The following RTN2 variants were observed in gnomAD, a reference collection of about 807,000 sequenced individuals.
RTN2 encodes reticulon 2.
A neutral mutation model predicts 63.7 loss-of-function variants in RTN2; 36 were observed. That is an observed-to-expected ratio of 0.56 (90% CI 0.43 to 0.75). The LOEUF (loss-of-function observed/expected upper bound fraction) is 0.75. Among genes scored for constraint, RTN2 ranks in the 30% least tolerant of loss-of-function variants. The pLI is 0.00. For missense variants in RTN2, 673 were observed against 705.1 expected, an observed-to-expected ratio of 0.95 and a Z score of 0.52; for synonymous variants, 312 against 313.0, an observed-to-expected ratio of 1.00 and a Z score of 0.03.
chr19:45,494,813 C>A lies in RTN2; in HGVS notation c.272G>T (p.Arg91Leu). The A allele has an allele frequency of 1.2e-6, 2 of 1,603,738 alleles. No individual in the cohort carries two copies. Among genetic ancestry groups the A allele is most frequent in the Non-Finnish European group, 1.7e-6 (2 of 1,179,816 alleles). ...STARRPRPQG[R>L]SVSEPRDQHP... ...CTGGTCTCGTGGTTCCGAGACTGAG[C>A]GGCCCTGGGGGCGGGGGCGGCGGGC... The change falls in exon 3 of 11, where the codon CGC (arginine) becomes CTC (leucine). Residue 91 changes from arginine to leucine, a missense_variant. By Grantham distance (102) the Arg-to-Leu change is moderately radical (BLOSUM62 -2). Coordinates refer to ENST00000245923, the MANE Select transcript of RTN2 (RefSeq NM_005619.5). The surrounding 1 kb of genome is among the most constrained non-coding windows in gnomAD (Gnocchi z 5.3).
chr19:45,491,942 T>C (rs1255265859), intron 5 of RTN2, among the ~76,000 whole-genome samples: 2 of 152,160 alleles, frequency 1.3e-5, no homozygotes, highest in Non-Finnish European at 2.9e-5. Context: ...TATATTTTTT[T>C]AATGTCATAA....
Position 45,485,497 on chromosome 19 carries a change from C to CT in RTN2, c.*210dup, listed in dbSNP as rs987851819. 5.2e-6 allele frequency: 3 copies of CT among 572,192 alleles called. No individual in the cohort carries two copies. In the Admixed American group the frequency reaches 9.1e-5, roughly 17 times the overall value. The allele number at this position is 572,192 out of a possible 1,614,324, so 35.4% of individuals were successfully genotyped here. Reference sequence around the variant, plus strand: ...AGGCCCCGCGGCCAAGGTGCCTCGTCTTTCCTGGACTCCTGGAGCAGAGCC... The same window carrying CT: ...AGGCCCCGCGGCCAAGGTGCCTCGTCTTTTCCTGGACTCCTGGAGCAGAGCC... On this transcript the variant is annotated 3_prime_UTR_variant, in exon 11 of 11. Coordinates refer to ENST00000245923, the MANE Select transcript of RTN2 (RefSeq NM_005619.5).
intron 1 of RTN2, among the ~76,000 whole-genome samples, chr19:45,495,583 G>A (rs1016948691): frequency 1.3e-5 from 2 of 152,196 alleles, no homozygotes; most frequent in Admixed American, 6.5e-5. Context: ...GGAAGAGAAA[G>A]TGAAGGGGTG....
chr19:45,496,757 G>C (rs1599916385), intron 1 of RTN2, 35 bp downstream of exon 1: 1 of 1,446,318 alleles, frequency 6.9e-7, no homozygotes, highest in South Asian at 1.4e-5. Context: ...TGAACCTCTG[G>C]GGCCCACACC....
intron 1 of RTN2, 104 bp downstream of exon 1, chr19:45,496,687 TC>T: frequency 9.9e-6 from 7 of 707,454 alleles, no homozygotes; most frequent in Admixed American, 4.2e-5. Flanking sequence ...CTATGCCTCC[TC>T]CCCCCATCCC....
At position 45,494,745 on chromosome 19, in the gene RTN2, TG is replaced by T; in HGVS notation, c.339del (p.Ser114AlafsTer2). The T allele has an allele frequency of 6.2e-7, 1 of 1,610,882 alleles. No individual in the cohort carries two copies. Among genetic ancestry groups the T allele is most frequent in the Non-Finnish European group, 8.5e-7 (1 of 1,179,956 alleles). Reference sequence around the variant, plus strand: ...CCAGGCTCCGGGGATTGGCTCAGGCTGGGGATGCTCTCCAAGCTGTCGCCCA... The same window carrying T: ...CCAGGCTCCGGGGATTGGCTCAGGCTGGGATGCTCTCCAAGCTGTCGCCCA... ...PSLGDSLESI[P>X]SLSQSPEPGR... On this transcript the variant is annotated frameshift_variant, in exon 3 of 11. Coordinates refer to ENST00000245923, the MANE Select transcript of RTN2 (RefSeq NM_005619.5). LOFTEE classifies it high-confidence loss of function. This position sits in a 1 kb window ranked among gnomAD's most constrained non-coding sequence, Gnocchi z 5.3.
Position 45,496,909 on chromosome 19 carries a change from C to T in RTN2, c.-84G>A, listed in dbSNP as rs1267374705. Reference sequence around the variant, plus strand: ...CGGGGTCGCGGGCGCTCATCTCCGCCGCGCCCACGACGCCGCTGCCATTCT... The same window carrying T: ...CGGGGTCGCGGGCGCTCATCTCCGCTGCGCCCACGACGCCGCTGCCATTCT... On this transcript the variant is annotated 5_prime_UTR_variant, in exon 1 of 11. Transcript: ENST00000245923. 4 of 802,450 alleles carry T rather than the reference C, an allele frequency of 5.0e-6. No homozygotes were observed. Among genetic ancestry groups the T allele is most frequent in the African/African-American group, 1.8e-5 (1 of 55,470 alleles). The allele number at this position is 802,450 out of a possible 1,614,324, so 49.7% of individuals were successfully genotyped here. A position where few individuals can be genotyped will look rare whatever the true frequency, so the allele number is the denominator to read the frequency against.
chr19:45,488,949 G>A lies in RTN2; in HGVS notation c.1279C>T (p.Gln427Ter). The change falls in exon 7 of 11, where the codon CAG becomes TAG. Residue 427 changes from glutamine to a stop codon, truncating the protein, a stop_gained. Coordinates refer to ENST00000245923, the MANE Select transcript of RTN2 (RefSeq NM_005619.5). LOFTEE classifies it high-confidence loss of function. ...LDVDLTLTRE[Q>*]TERLSHQITS... is the part of the protein sequence containing the mutation. ...ATCTGGTGGGACAAACGTTCCGTCT[G>A]CTCCCGAGTCAGGGTGAGGTCCACA... The A allele has an allele frequency of 6.2e-7, 1 of 1,611,754 alleles. No homozygotes were observed. Among genetic ancestry groups the A allele is most frequent in the Non-Finnish European group, 8.5e-7 (1 of 1,179,096 alleles).
In RTN2 at chr19:45,494,582, A is replaced by G; in HGVS notation, c.503T>C (p.Leu168Pro). 1 of 1,614,036 alleles carries G rather than the reference A, an allele frequency of 6.2e-7. No individual in the cohort carries two copies. The highest frequency in any genetic ancestry group is 8.5e-7 in the Non-Finnish European group (1 of 1,180,008). The part of the protein sequence containing the change: ...EDSSTSSSTP[L>P]EDEEPQEPNR... ...GGGTTCTTGGGGTTCTTCGTCTTCC[A>G]GCGGGGTGGAGCTGCTGGTGGAAGA... The change falls in exon 3 of 11, where the codon CTG becomes CCG. Residue 168 changes from leucine (L) to proline (P), a missense_variant. By Grantham distance (98) the Leu-to-Pro change is moderately conservative. Coordinates refer to ENST00000245923, the MANE Select transcript of RTN2 (RefSeq NM_005619.5). This position sits in a 1 kb window ranked among gnomAD's most constrained non-coding sequence, Gnocchi z 5.3.
Position 45,494,880 on chromosome 19 carries a change from A to C in RTN2, c.205T>G (p.Phe69Val). ...PRELTFSYIA[F>V]DGVVGSGGRR... ...CCCCCGGAGCCCACTACACCATCAA[A>C]GGCGATGTAGGAGAAGGTCAGCTCC... The change falls in exon 3 of 11, where the codon TTT (phenylalanine) becomes GTT (valine). Residue 69 changes from phenylalanine (F) to valine (V), a missense_variant. By Grantham distance (50) the Phe-to-Val change is conservative. Transcript: ENST00000245923. This position sits in a 1 kb window ranked among gnomAD's most constrained non-coding sequence, Gnocchi z 5.3. 1.2e-6 allele frequency: 2 copies of C among 1,609,772 alleles called. No homozygotes were observed. The highest frequency in any genetic ancestry group is 1.7e-6 in the Non-Finnish European group (2 of 1,179,942).
Position 45,494,828 on chromosome 19 carries a change from G to A in RTN2, c.257C>T (p.Pro86Leu), listed in dbSNP as rs758002007. The A allele has an allele frequency of 9.4e-6, 15 of 1,603,494 alleles. No homozygotes were observed. Among genetic ancestry groups the A allele is most frequent in the South Asian group, 3.3e-5 (3 of 91,064 alleles). The change falls in exon 3 of 11, where the codon CCC becomes CTC. Residue 86 changes from proline (P) to leucine (L), a missense_variant. Transcript: ENST00000245923. This position sits in a 1 kb window ranked among gnomAD's most constrained non-coding sequence, Gnocchi z 5.3. The stretch of plus-strand genomic sequence containing the variant: ...CGAGACTGAGCGGCCCTGGGGGCGG[G>A]GGCGGCGGGCAGTTGAATCCCTGCG... ...GGRRDSTARR[P>L]RPQGRSVSEP...
chr19:45,491,185 C>T (rs1205199857), intron 5 of RTN2, among the ~76,000 whole-genome samples: 10 of 150,748 alleles, frequency 6.6e-5, no homozygotes, highest in Non-Finnish European at 1.0e-4. Flanking sequence ...CCACCACGCC[C>T]GGCCACATTT....
intron 9 of RTN2, 70 bp downstream of exon 9, chr19:45,488,401 G>A (rs1176792492): frequency 1.2e-5 from 19 of 1,534,636 alleles, no homozygotes; most frequent in Middle Eastern, 3.6e-4. Flanking sequence ...ATGGGACCCC[G>A]GTTCTGGAAG....
At chr19:45,488,378 G>T (rs1603) in intron 9 of RTN2, 93 bp downstream of exon 9, 4 of 1,363,452 alleles carry the variant, frequency 2.9e-6, no homozygotes, top group Non-Finnish European at 1.0e-6. Context: ...GTGTCTGGCC[G>T]GGACATCTGT....
intron 5 of RTN2, 25 bp from the exon 6 acceptor site, chr19:45,489,578 G>T: frequency 6.4e-7 from 1 of 1,552,198 alleles, no homozygotes; most frequent in Non-Finnish European, 8.7e-7. Context: ...GGGGCATCAG[G>T]GCTTGTACCT....
chr19:45,495,803 G>A (rs1301687494), intron 1 of RTN2, among the ~76,000 whole-genome samples: 1 of 152,220 alleles, frequency 6.6e-6, no homozygotes, highest in East Asian at 1.9e-4. Flanking sequence ...GACTGAGGAG[G>A]AGAGGAGTGG....
In RTN2 at chr19:45,485,960, T is replaced by A. The variant is rs534217306; in HGVS notation, c.1556+95A>T. 2.0e-5 allele frequency: 27 copies of A among 1,340,940 alleles called. No homozygotes were observed. In the African/African-American group the frequency reaches 3.7e-4, roughly 19 times the overall value. The allele number at this position is 1,340,940 out of a possible 1,614,324, so 83.1% of individuals were successfully genotyped here. On this transcript the variant is annotated intron_variant, in intron 10 of 10. Transcript: ENST00000245923. ...CTCCTCAGCCTTTTCAAGGGGACAT[T>A]ACCCCAGGAGATTTGCGGACAGCGA...
In RTN2 at chr19:45,485,616, G is replaced by A; in HGVS notation, c.*92C>T. 2 of 1,040,152 alleles carry A rather than the reference G, an allele frequency of 1.9e-6. No homozygotes were observed. Among genetic ancestry groups the A allele is most frequent in the South Asian group, 1.3e-5 (1 of 78,120 alleles). 64.4% of individuals were successfully genotyped at this position (1,040,152 alleles called of 1,614,324 possible). A position where few individuals can be genotyped will look rare whatever the true frequency, so the allele number is the denominator to read the frequency against. ...CCCACCGGGAAAAGGCTCGGGCCGA[G>A]GAGGGGGGTGGGTGGGAACGGACAA... is the stretch of plus-strand genomic sequence containing the variant. On this transcript the variant is annotated 3_prime_UTR_variant, in exon 11 of 11. Transcript: ENST00000245923.
In RTN2 at chr19:45,496,839, C is replaced by G; in HGVS notation, c.-14G>C. 1 of 1,480,500 alleles carries G rather than the reference C, an allele frequency of 6.8e-7. No homozygotes were observed. The allele number at this position is 1,480,500 out of a possible 1,614,324, so 91.7% of individuals were successfully genotyped here. A position where few individuals can be genotyped will look rare whatever the true frequency, so the allele number is the denominator to read the frequency against. The stretch of plus-strand genomic sequence containing the variant: ...GACCTGCCCCATGGCCCCCCTCGGG[C>G]CTGCATCGGGACCCCCGCCCACTCC... On this transcript the variant is annotated 5_prime_UTR_variant, in exon 1 of 11. Transcript: ENST00000245923.
Sources: allele counts gnomAD v4.1 joint callset (sites outside exome capture counted in the v4.1 genomes callset), GRCh38; gene constraint gnomAD v4.1.1; non-coding constraint Gnocchi (gnomAD v3.1); transcripts MANE v1.5; gene names NCBI Gene and HGNC (gene_info 2026-07-23, HGNC 2026-07-21).